CYB5R3: variants seen among roughly 807,000 people sequenced by gnomAD.
The protein encoded by CYB5R3 is cytochrome b5 reductase 3, also known as NADH-cytochrome b5 reductase 3.
A neutral mutation model predicts 36.5 loss-of-function variants in CYB5R3; 28 were observed. The ratio of observed to expected loss-of-function variants is 0.77; its 90% CI spans 0.57 to 1.05. CYB5R3 has a LOEUF of 1.05. Ranked by LOEUF, CYB5R3 falls within the 50% of genes least tolerant of loss-of-function variation. The probability of loss-of-function intolerance (pLI) is 0.00; values close to 1 mark genes in which losing one functional copy is unlikely to be tolerated. For synonymous variants in CYB5R3, 181 were observed against 159.8 expected (o/e 1.13, Z -1.00); for missense variants, 474 against 408.9 (o/e 1.16, Z -1.37).
rs970642646 is a variant in CYB5R3 at position 42,627,231 on chromosome 22, A to T, written c.633+73T>A. 28 of 1,255,996 alleles carry T rather than the reference A, an allele frequency of 2.2e-5. No homozygotes were observed. The Admixed American group carries it at 3.5e-4, about 16-fold the overall frequency. 77.8% of individuals were successfully genotyped at this position (1,255,996 alleles called of 1,614,324 possible). On this transcript the variant is annotated intron_variant, in intron 7 of 8. Coordinates refer to ENST00000352397, the MANE Select transcript of CYB5R3 (RefSeq NM_000398.7). ...CAGCAGAGCTGTGCAGACCCCTGGA[A>T]CAGCACCTGACCAGGCCCGAAGTCC...
rs1389926673 is a variant in CYB5R3, at chr22:42,629,278, C to G, written c.334-997G>C. ...CTCTCCCACCCCTTGCCCCAACCCT[C>G]CAGCCACTTCAATCCTTGAGCCTGC... On this transcript the variant is annotated intron_variant, in intron 4 of 8. Coordinates refer to ENST00000352397, the MANE Select transcript of CYB5R3 (RefSeq NM_000398.7). Among the ~76,000 whole-genome samples, 3 of 152,164 alleles carry G rather than the reference C, an allele frequency of 2.0e-5. 1 individual carries two copies. In the East Asian group the frequency reaches 5.8e-4, roughly 29 times the overall value.
chr22:42,631,381 C>A lies in CYB5R3; in HGVS notation c.223G>T (p.Val75Phe), dbSNP rs1275680002. ...PSPQHILGLP[V>F]GQHIYLSARI... Reference sequence around the variant, plus strand: ...GCCCAGCAGGGGCGTGACTCACCGACAGGGAGGCCCAGGATGTGCTGGGGT... The same window carrying A: ...GCCCAGCAGGGGCGTGACTCACCGAAAGGGAGGCCCAGGATGTGCTGGGGT... The change falls in exon 3 of 9, where the codon GTC (valine) becomes TTC (phenylalanine). Residue 75 changes from valine to phenylalanine, a missense_variant. Transcript: ENST00000352397. 3.2e-6 allele frequency: 5 copies of A among 1,551,408 alleles called. No individual in the cohort carries two copies. Among genetic ancestry groups the A allele is most frequent in the South Asian group, 1.2e-5 (1 of 84,062 alleles).
intron 2 of CYB5R3, among the ~76,000 whole-genome samples, chr22:42,636,216 CA>C (rs368480405): frequency 5.9e-4 from 85 of 143,838 alleles, no homozygotes; most frequent in Admixed American, 8.3e-4. Flanking sequence ...GACTCTGTCT[CA>C]AAAAAAAAAA....
At chr22:42,646,790 C>G in intron 1 of CYB5R3, 1 of 986,388 alleles carries the variant, frequency 1.0e-6, no homozygotes, top group Non-Finnish European at 1.2e-6. Context: ...GGGAAGGGAA[C>G]CCAGGAGAAG....
intron 8 of CYB5R3, among the ~76,000 whole-genome samples, chr22:42,623,489 C>A (rs1405535312): frequency 6.6e-6 from 1 of 152,216 alleles, no homozygotes; most frequent in Non-Finnish European, 1.5e-5. Context: ...AAGTGAGCCC[C>A]GCCCAGGGAG....
intron 7 of CYB5R3, among the ~76,000 whole-genome samples, chr22:42,627,003 G>A (rs1316285204): frequency 6.6e-6 from 1 of 152,206 alleles, no homozygotes; most frequent in Non-Finnish European, 1.5e-5. Context: ...CTACCAGTGG[G>A]TTCCACACCG....
chr22:42,640,951 G>C (rs1313427084), intron 1 of CYB5R3, among the ~76,000 whole-genome samples: 1 of 151,978 alleles, frequency 6.6e-6, no homozygotes, highest in African/African-American at 2.4e-5. Context: ...CCAACTCCCA[G>C]GTTGAAGCAA....
At chr22:42,642,865 A>T (rs533573296) in intron 1 of CYB5R3, among the ~76,000 whole-genome samples, 29 of 152,350 alleles carry the variant, frequency 1.9e-4, no homozygotes, top group African/African-American at 6.7e-4. Flanking sequence ...GAGCTTGTTT[A>T]TACACCCTCC....
At chr22:42,633,308 C>T (rs535393807) in intron 2 of CYB5R3, 1 of 152,346 alleles carries the variant, frequency 6.6e-6, no homozygotes, top group Admixed American at 6.5e-5. Flanking sequence ...GTGCACACAC[C>T]CGCACCTCCA....
At chr22:42,622,991 C>T (rs989802565) in intron 8 of CYB5R3, among the ~76,000 whole-genome samples, 5 of 152,344 alleles carry the variant, frequency 3.3e-5, no homozygotes, top group African/African-American at 9.6e-5. Context: ...TACTCCACAG[C>T]GGGATTGCCC....
chr22:42,637,762 C>T (rs562760942), intron 1 of CYB5R3, among the ~76,000 whole-genome samples: 3 of 152,310 alleles, frequency 2.0e-5, no homozygotes, highest in African/African-American at 7.2e-5. Flanking sequence ...ACCACCATTT[C>T]GCAGATGAGG....
intron 8 of CYB5R3, among the ~76,000 whole-genome samples, chr22:42,623,239 G>A (rs920711102): frequency 2.6e-5 from 4 of 152,230 alleles, no homozygotes; most frequent in Non-Finnish European, 5.9e-5. Context: ...CTCACTGCAA[G>A]TGGTGGAGGT....
rs1370525679 is a variant in CYB5R3 at position 42,636,753 on chromosome 22, G to C, written c.115C>G (p.Pro39Ala). 1 of 1,613,506 alleles carries C rather than the reference G, an allele frequency of 6.2e-7. No individual in the cohort carries two copies. The highest frequency in any genetic ancestry group is 8.5e-7 in the Non-Finnish European group (1 of 1,180,002). Residue 39 changes from proline to alanine, a missense_variant, in exon 2 of 9, where the codon CCG (proline) becomes GCG (alanine). Transcript: ENST00000352397. The part of the protein sequence containing the change: ...RSTPAITLES[P>A]DIKYPLRLID... ...AGCCGCAGCGGGTACTTGATGTCCG[G>C]GCTCTCGAGGGTGATGGCTGGCGTG... is the stretch of plus-strand genomic sequence containing the variant.
At chr22:42,637,191 T>C (rs533684111) in intron 1 of CYB5R3, among the ~76,000 whole-genome samples, 2 of 152,324 alleles carry the variant, frequency 1.3e-5, no homozygotes, top group East Asian at 3.9e-4. Flanking sequence ...GTAAAATTAA[T>C]CTTGAGCATA....
chr22:42,649,281 C>T lies in CYB5R3; in HGVS notation c.21+14G>A. ...CGCGACGCCCCGCGGCCCCGGCGCC[C>T]CCTCCCCGCCTACCGTGCTGAGCTG... On this transcript the variant is annotated intron_variant, in intron 1 of 8. Transcript: ENST00000352397. 2.0e-6 allele frequency: 2 copies of T among 1,009,760 alleles called. No homozygotes were observed. Among genetic ancestry groups the T allele is most frequent in the African/African-American group, 1.7e-5 (1 of 57,378 alleles). The allele number at this position is 1,009,760 out of a possible 1,614,324, so 62.6% of individuals were successfully genotyped here. A position where few individuals can be genotyped will look rare whatever the true frequency, so the allele number is the denominator to read the frequency against.
chr22:42,628,288 G>GAC lies in CYB5R3; in HGVS notation c.334-9_334-8dup. 6.2e-7 allele frequency: 1 copy of GAC among 1,613,566 alleles called. No individual in the cohort carries two copies. Among genetic ancestry groups the GAC allele is most frequent in the South Asian group, 1.1e-5 (1 of 91,034 alleles). ...GGGTGTCCTTGAAGTAAACCTGCAA[G>GAC]ACACCCCCGCAGCCCTCAGTCCCCA... On this transcript the variant is annotated splice_region_variant and splice_polypyrimidine_tract_variant and intron_variant, in intron 4 of 8. Coordinates refer to ENST00000352397, the MANE Select transcript of CYB5R3 (RefSeq NM_000398.7).
In CYB5R3 at chr22:42,637,769, G is replaced by T. The variant is rs189799494; in HGVS notation, c.22-923C>A. On this transcript the variant is annotated intron_variant, in intron 1 of 8. Transcript: ENST00000352397. ...CTGTCATCACCACCATTTCGCAGAT[G>T]AGGAAACAGCCCAGAAAGGCAAAGC... is the stretch of plus-strand genomic sequence containing the variant. Among the ~76,000 whole-genome samples, 674 of 152,338 alleles carry T rather than the reference G, an allele frequency of 4.4e-3. 2 individuals carry two copies. Among genetic ancestry groups the T allele is most frequent in the Non-Finnish European group, 7.1e-3 (486 of 68,034 alleles).
chr22:42,640,242 C>A, intron 1 of CYB5R3: 1 of 1,580,928 alleles, frequency 6.3e-7, no homozygotes, highest in South Asian at 1.1e-5. Context: ...GTGCTGGGGT[C>A]TTCTCCACAA....
At chr22:42,642,673 C>T (rs367716102) in intron 1 of CYB5R3, among the ~76,000 whole-genome samples, 3 of 152,122 alleles carry the variant, frequency 2.0e-5, no homozygotes, top group East Asian at 1.9e-4. Flanking sequence ...CTCCTGACCT[C>T]GTGATCCGCC....
Sources: allele counts gnomAD v4.1 joint callset (sites outside exome capture counted in the v4.1 genomes callset), GRCh38; gene constraint gnomAD v4.1.1; transcripts MANE v1.5; gene names NCBI Gene and HGNC (gene_info 2026-07-23, HGNC 2026-07-21).